The following RAB6A variants were observed in gnomAD, a reference collection of about 807,000 sequenced individuals.
RAB6A encodes RAB6A, member RAS oncogene family.
In RAB6A, 8 loss-of-function variants were observed where a neutral mutation model predicts 32.3. That is an observed-to-expected ratio of 0.25 (90% CI 0.15 to 0.45). The LOEUF is 0.45. Among genes scored for constraint, RAB6A ranks in the 20% least tolerant of loss-of-function variants. RAB6A has a pLI of 1.00. For synonymous variants in RAB6A, 73 were observed against 82.1 expected (o/e 0.89, Z 0.60); for missense variants, 104 against 249.4 (o/e 0.42, Z 3.93).
At chr11:73,695,025 A>C (rs1397300678) in intron 6 of RAB6A, among the ~76,000 whole-genome samples, 1 of 152,154 alleles carries the variant, frequency 6.6e-6, no homozygotes, top group African/African-American at 2.4e-5. Flanking sequence ...AAAAAATAAA[A>C]AAAAATTAAA....
chr11:73,718,823 C>T (rs759974645), intron 3 of RAB6A, 105 bp from the exon 4 acceptor site: 14 of 1,610,986 alleles, frequency 8.7e-6, no homozygotes, highest in Middle Eastern at 1.6e-4. Context: ...AGCAGAATCA[C>T]GGATGTAACT....
intron 1 of RAB6A, among the ~76,000 whole-genome samples, chr11:73,731,249 G>C (rs74192553): frequency 0.061 from 9,220 of 152,032 alleles, 382 homozygotes; most frequent in East Asian, 0.17. Flanking sequence ...ACTGTTTTAA[G>C]AGTGAGAAAA....
At chr11:73,714,947 C>T (rs1280001490) in intron 5 of RAB6A, among the ~76,000 whole-genome samples, 1 of 152,098 alleles carries the variant, frequency 6.6e-6, no homozygotes, top group East Asian at 1.9e-4. Flanking sequence ...GCCTGGGCGA[C>T]GGAATGAGAC....
chr11:73,740,909 C>T (rs1450494707), intron 1 of RAB6A, among the ~76,000 whole-genome samples: 1 of 147,596 alleles, frequency 6.8e-6, no homozygotes, highest in African/African-American at 2.5e-5. Context: ...AAAAAAAAAA[C>T]TACACTACAC....
rs976959857 is a variant in RAB6A, at chr11:73,727,382, T to C, written c.129+3383A>G. Among the ~76,000 whole-genome samples, 10 of 150,768 alleles carry C rather than the reference T, an allele frequency of 6.6e-5. No individual in the cohort carries two copies. The East Asian group carries it at 1.2e-3, about 18-fold the overall frequency. On this transcript the variant is annotated intron_variant, in intron 2 of 7. Transcript: ENST00000336083. ...TCAAGGTGACAATGAGCTATGATCA[T>C]GCCACTGCACTCCAGCCTGGGCGAC...
chr11:73,745,304 T>C (rs2135002245), intron 1 of RAB6A, among the ~76,000 whole-genome samples: 1 of 152,294 alleles, frequency 6.6e-6, no homozygotes, highest in East Asian at 1.9e-4. Context: ...ATGAATTAAT[T>C]AACCAATGGA....
intron 2 of RAB6A, among the ~76,000 whole-genome samples, chr11:73,721,561 T>C (rs1946133373): frequency 6.6e-6 from 1 of 151,630 alleles, no homozygotes; most frequent in Admixed American, 6.6e-5. Context: ...GAAGGCAGAC[T>C]ACAAAAAAGA....
intron 4 of RAB6A, among the ~76,000 whole-genome samples, chr11:73,718,122 T>G (rs1045227360): frequency 6.6e-5 from 10 of 152,150 alleles, no homozygotes; most frequent in Admixed American, 5.2e-4. Context: ...AAAAGATTAA[T>G]AGAAAACTGT....
chr11:73,740,586 T>TAA lies in RAB6A; in HGVS notation c.71-9764_71-9763insTT, dbSNP rs142091572. On this transcript the variant is annotated intron_variant, in intron 1 of 7. Transcript: ENST00000336083. ...ATTTTTTGTTTCTCCTAAAGTTAAT[T>TAA]TAAAAAAAAAAAAACTAGCTGGCCA... 2.0e-4 allele frequency among the ~76,000 whole-genome samples: 30 copies of TAA among 150,734 alleles called. No homozygotes were observed. The South Asian group carries it at 2.7e-3, about 14-fold the overall frequency.
intron 1 of RAB6A, among the ~76,000 whole-genome samples, chr11:73,747,483 C>T (rs952513843): frequency 1.4e-5 from 2 of 145,564 alleles, no homozygotes; most frequent in African/African-American, 5.0e-5. Flanking sequence ...GGAATTACAG[C>T]TGTGAGACAC....
At chr11:73,698,996 C>T (rs532062698) in intron 6 of RAB6A, among the ~76,000 whole-genome samples, 2 of 151,920 alleles carry the variant, frequency 1.3e-5, no homozygotes, top group East Asian at 1.9e-4. Flanking sequence ...GGATTACAGG[C>T]GCCCGCCACC....
At chr11:73,687,718 G>A (rs1229367055) in intron 6 of RAB6A, among the ~76,000 whole-genome samples, 1 of 152,184 alleles carries the variant, frequency 6.6e-6, no homozygotes, top group Non-Finnish European at 1.5e-5. Context: ...TTAGCCAGGT[G>A]TGGTGACCGA....
At position 73,677,516 on chromosome 11, in the gene RAB6A, A is replaced by G; in HGVS notation, c.*382T>C. On this transcript the variant is annotated 3_prime_UTR_variant, in exon 8 of 8. Coordinates refer to ENST00000336083, the MANE Select transcript of RAB6A (RefSeq NM_198896.2). Reference sequence around the variant, plus strand: ...GGGTAAGTGAGAGGTGAGAAAAGCAAGGAGAGATAAAGTAGGCTGTGAACA... The same window carrying G: ...GGGTAAGTGAGAGGTGAGAAAAGCAGGGAGAGATAAAGTAGGCTGTGAACA... 1 of 393,982 alleles carries G rather than the reference A, an allele frequency of 2.5e-6. No homozygotes were observed. The highest frequency in any genetic ancestry group is 4.7e-6 in the Non-Finnish European group (1 of 211,770). The allele number at this position is 393,982 out of a possible 1,614,324, so 24.4% of individuals were successfully genotyped here. A position where few individuals can be genotyped will look rare whatever the true frequency, so the allele number is the denominator to read the frequency against.
chr11:73,695,121 TAGATTA>T (rs1474243000), intron 6 of RAB6A, among the ~76,000 whole-genome samples: 1 of 152,138 alleles, frequency 6.6e-6, no homozygotes, highest in Non-Finnish European at 1.5e-5. Flanking sequence ...ATACTCCAAT[TAGATTA>T]AAAGAATCAG....
intron 2 of RAB6A, 116 bp from the exon 3 acceptor site, chr11:73,721,015 C>T (rs1946126644): frequency 3.8e-6 from 3 of 792,588 alleles, no homozygotes; most frequent in Non-Finnish European, 6.3e-6. Context: ...ATCAATACAA[C>T]ATAGTCAATT....
At chr11:73,694,655 T>C (rs1021150193) in intron 6 of RAB6A, among the ~76,000 whole-genome samples, 2 of 152,196 alleles carry the variant, frequency 1.3e-5, no homozygotes, top group African/African-American at 4.8e-5. Flanking sequence ...GGATGATCAC[T>C]TGGGCCCAGA....
chr11:73,758,246 T>G (rs1946791169), intron 1 of RAB6A, among the ~76,000 whole-genome samples: 1 of 152,214 alleles, frequency 6.6e-6, no homozygotes, highest in Non-Finnish European at 1.5e-5. Flanking sequence ...CCTCAAAAGA[T>G]AATTAACTTC....
intron 6 of RAB6A, among the ~76,000 whole-genome samples, chr11:73,700,065 A>G (rs1448398384): frequency 5.3e-5 from 8 of 152,172 alleles, no homozygotes; most frequent in East Asian, 3.8e-4. Context: ...TCTTTTTATG[A>G]TAAGTACTAA....
chr11:73,702,458 C>T lies in RAB6A; in HGVS notation c.495+4962G>A, dbSNP rs768571581. Reference sequence around the variant, plus strand: ...AAGTGCTGGGATTATGGGCATGAGCCGCTGTGCCCAGCCAGGCTATATAAG... The same window carrying T: ...AAGTGCTGGGATTATGGGCATGAGCTGCTGTGCCCAGCCAGGCTATATAAG... On this transcript the variant is annotated intron_variant, in intron 6 of 7. Transcript: ENST00000336083. 1.3e-4 allele frequency among the ~76,000 whole-genome samples: 20 copies of T among 152,096 alleles called. 1 individual carries two copies. Among genetic ancestry groups the T allele is most frequent in the Non-Finnish European group, 2.5e-4 (17 of 68,016 alleles).
Sources: gnomAD v4.1 joint callset for allele counts (sites outside exome capture counted in the v4.1 genomes callset) on GRCh38, gnomAD v4.1.1 for gene constraint, MANE v1.5 for transcripts, NCBI Gene and HGNC (gene_info 2026-07-23, HGNC 2026-07-21) for gene names.